ZNF676: variants seen among roughly 807,000 people sequenced by gnomAD.
ZNF676 encodes the protein zinc finger protein 676.
ZNF676 carries 4 observed loss-of-function variants against 6.0 expected under a neutral mutation model. The ratio of observed to expected loss-of-function variants is 0.67; its 90% CI spans 0.33 to 1.53. The LOEUF is 1.53. Ranked by LOEUF, ZNF676 falls within the 40% of genes most tolerant of loss-of-function variation. ZNF676 has a pLI of 0.06. For synonymous variants in ZNF676, 198 were observed against 223.1 expected, an observed-to-expected ratio of 0.89 and a Z score of 1.00; for missense variants, 644 against 679.7, an observed-to-expected ratio of 0.95 and a Z score of 0.58.
rs145994720 is a variant in ZNF676 at position 22,193,346 on chromosome 19, G to A, written c.35-235C>T. ...TTAAGCTTCTTCAGAAGGTTATTGCGCATAACCCATGGTTTCTGCAGGCAG... is the reference window on the plus strand; with the variant it reads ...TTAAGCTTCTTCAGAAGGTTATTGCACATAACCCATGGTTTCTGCAGGCAG... On this transcript the variant is annotated intron_variant, in intron 1 of 2. Transcript: ENST00000397121. Among the ~76,000 whole-genome samples, 192 of 152,192 alleles carry A rather than the reference G, an allele frequency of 1.3e-3. 1 individual carries two copies. The highest frequency in any genetic ancestry group is 0.012 in the East Asian group (61 of 5,178).
chr19:22,245,670 T>C, the ZNF676 span, among the ~76,000 whole-genome samples: 2 of 151,966 alleles, frequency 1.3e-5, no homozygotes, highest in South Asian at 4.2e-4. Context: ...CAATCCCTAA[T>C]TCAAGAGGGC....
the ZNF676 span, among the ~76,000 whole-genome samples, chr19:22,224,471 T>A: frequency 6.6e-6 from 1 of 152,150 alleles, no homozygotes; most frequent in Non-Finnish European, 1.5e-5. Context: ...CTTTCTTAGC[T>A]GATTTTCAGT....
At chr19:22,253,516 A>C in the ZNF676 span, among the ~76,000 whole-genome samples, 1 of 129,006 alleles carries the variant, frequency 7.8e-6, no homozygotes, top group Non-Finnish European at 1.6e-5. Flanking sequence ...ATATATATGT[A>C]TATATACACA....
At chr19:22,253,766 G>C in the ZNF676 span, among the ~76,000 whole-genome samples, 3 of 151,878 alleles carry the variant, frequency 2.0e-5, no homozygotes, top group Admixed American at 2.0e-4. Flanking sequence ...CTCTCCAATG[G>C]GGTCTGTCCA....
chr19:22,180,088 G>A lies in ZNF676; in HGVS notation c.1629C>T (p.Ser543=), dbSNP rs1359650718. 5 of 1,612,070 alleles carry A rather than the reference G, an allele frequency of 3.1e-6. No homozygotes were observed. Among genetic ancestry groups the A allele is most frequent in the Non-Finnish European group, 4.2e-6 (5 of 1,179,300 alleles). The change falls in exon 3 of 3, where the codon AGC becomes AGT. Residue 543 remains serine (S), a synonymous_variant. Coordinates refer to ENST00000397121, the MANE Select transcript of ZNF676 (RefSeq NM_001001411.3). ...YKCEECGKAF[S]RSSSLTRHKR... ...TGTGTCTAGTAAGGCTTGAGGATCT[G>A]CTGAAGGCTTTGCCACATTCTTCAC...
chr19:22,191,624 T>C (rs944982284), intron 2 of ZNF676, among the ~76,000 whole-genome samples: 1 of 152,140 alleles, frequency 6.6e-6, no homozygotes, highest in Non-Finnish European at 1.5e-5. Context: ...AAGCCCACCA[T>C]ATGCAGACTT....
the ZNF676 span, among the ~76,000 whole-genome samples, chr19:22,228,002 A>C: frequency 6.6e-6 from 1 of 152,022 alleles, no homozygotes; most frequent in East Asian, 1.9e-4. Flanking sequence ...TCCCTAGCTC[A>C]TTTTGGGCCA....
chr19:22,231,142 C>T, the ZNF676 span, among the ~76,000 whole-genome samples: 430 of 151,378 alleles, frequency 2.8e-3, 3 homozygotes, highest in Admixed American at 5.7e-3. Flanking sequence ...CATCTTCTAC[C>T]AGGTTAAAAT....
the ZNF676 span, chr19:22,243,339 C>T: frequency 6.6e-6 from 1 of 152,008 alleles, no homozygotes; most frequent in African/African-American, 2.4e-5. Context: ...CACAACATCC[C>T]CTGAAAACCA....
chr19:22,180,623 T>C lies in ZNF676; in HGVS notation c.1094A>G (p.Tyr365Cys), dbSNP rs1313976594. Residue 365 changes from tyrosine to cysteine, a missense_variant, in exon 3 of 3, where the codon TAC (tyrosine) becomes TGC (cysteine). Tyr to Cys is a radical substitution (Grantham distance 194, BLOSUM62 -2). Transcript: ENST00000397121. ...GGCTTTGCCACATCCTTCACATTTG[T>C]AGGGTTTCTCTCCAGTATGAATAAT... is the stretch of plus-strand genomic sequence containing the variant. The part of the protein sequence containing the change: ...HKIIHTGEKP[Y>C]KCEGCGKAFS... 5 of 1,612,868 alleles carry C rather than the reference T, an allele frequency of 3.1e-6. No homozygotes were observed. The highest frequency in any genetic ancestry group is 2.5e-6 in the Non-Finnish European group (3 of 1,179,514).
chr19:22,248,160 G>A, the ZNF676 span, among the ~76,000 whole-genome samples: 1 of 152,078 alleles, frequency 6.6e-6, no homozygotes, highest in Non-Finnish European at 1.5e-5. Flanking sequence ...TTGGACATTT[G>A]GGTTGGTTCC....
the ZNF676 span, among the ~76,000 whole-genome samples, chr19:22,232,317 A>G: frequency 2.6e-5 from 4 of 151,888 alleles, no homozygotes; most frequent in African/African-American, 7.3e-5. Flanking sequence ...ACAGGCGTGC[A>G]CTACCACCCC....
At chr19:22,214,007 A>T (rs281181) in intron 1 of ZNF676, among the ~76,000 whole-genome samples, 57,701 of 152,072 alleles carry the variant, frequency 0.38, 11,190 homozygotes, top group African/African-American at 0.42. Flanking sequence ...AATCTTTTTA[A>T]ATGTGCCATC....
Position 22,196,908 on chromosome 19 carries a change from A to T in ZNF676, c.-275T>A. On this transcript the variant is annotated 5_prime_UTR_variant, in exon 1 of 3. Transcript: ENST00000397121. ...CACTAATGTATTCTCTAACTCTGAG[A>T]AAAGAAAGTGGTATAAGATCCATAA... 1.6e-6 allele frequency: 1 copy of T among 621,902 alleles called. No homozygotes were observed. The highest frequency in any genetic ancestry group is 2.7e-6 in the Non-Finnish European group (1 of 364,256). The allele number at this position is 621,902 out of a possible 1,614,324, so 38.5% of individuals were successfully genotyped here.
the ZNF676 span, among the ~76,000 whole-genome samples, chr19:22,253,605 G>C: frequency 6.6e-6 from 1 of 151,666 alleles, no homozygotes; most frequent in Non-Finnish European, 1.5e-5. Flanking sequence ...CCAGGACTAA[G>C]AGTCAACATC....
At chr19:22,239,224 T>G in the ZNF676 span, among the ~76,000 whole-genome samples, 2 of 143,034 alleles carry the variant, frequency 1.4e-5, no homozygotes, top group East Asian at 4.0e-4. Context: ...TTTTTTGAGA[T>G]GGAGTCTCGC....
chr19:22,208,268 TAAAAG>T (rs971536380), intron 1 of ZNF676, among the ~76,000 whole-genome samples: 32 of 141,328 alleles, frequency 2.3e-4, no homozygotes, highest in African/African-American at 7.5e-4. Context: ...AAAACTAACT[TAAAAG>T]AAGACCAAAA....
chr19:22,180,552 C>T lies in ZNF676; in HGVS notation c.1165G>A (p.Glu389Lys). The T allele has an allele frequency of 6.2e-7, 1 of 1,612,492 alleles. No individual in the cohort carries two copies. ...TCTTCACATTTGTAGGGCTTCTCTT[C>T]AGCATGAATTGCCTTATGTGTATTA... ...TLNTHKAIHAEEKPYKCEECG... is the reference protein window; with the variant it reads ...TLNTHKAIHAKEKPYKCEECG... The change falls in exon 3 of 3, where the codon GAA becomes AAA. Residue 389 changes from glutamate to lysine, a missense_variant. Around this residue, in one of 5 missense-constraint regions of ZNF676, gnomAD observed 306 missense variants for 265.4 expected, o/e 1.15. Coordinates refer to ENST00000397121, the MANE Select transcript of ZNF676 (RefSeq NM_001001411.3).
intron 1 of ZNF676, among the ~76,000 whole-genome samples, chr19:22,195,770 G>A (rs535115081): frequency 4.2e-4 from 64 of 152,272 alleles, no homozygotes; most frequent in African/African-American, 1.3e-3. Context: ...TAACCAAAGC[G>A]AGTATCCATG....
Sources: allele counts gnomAD v4.1 joint callset (sites outside exome capture counted in the v4.1 genomes callset), GRCh38; gene constraint gnomAD v4.1.1; regional missense constraint gnomAD v4.1.1; transcripts MANE v1.5; gene names NCBI Gene and HGNC (gene_info 2026-07-23, HGNC 2026-07-21).